TP53BP1: variants seen among roughly 807,000 people sequenced by gnomAD.
TP53BP1 encodes the protein TP53-binding protein 1.
TP53BP1 carries 61 observed loss-of-function variants against 200.8 expected under a neutral mutation model. The observed-to-expected ratio is 0.30, with a 90% CI of 0.25 to 0.38. The LOEUF is 0.38. Among genes scored for constraint, TP53BP1 ranks in the 10% least tolerant of loss-of-function variants. The pLI is 1.00. For missense variants in TP53BP1, 2,144 were observed against 2,371.9 expected (o/e 0.90, Z 2.00); for synonymous variants, 822 against 844.3 (o/e 0.97, Z 0.46).
intron 1 of TP53BP1, among the ~76,000 whole-genome samples, chr15:43,509,918 C>A (rs1323204543): frequency 6.6e-6 from 1 of 152,010 alleles, no homozygotes; most frequent in East Asian, 1.9e-4. Flanking sequence ...GAAAGATAGG[C>A]GCTCCCATAC....
rs2079225790 is a variant in TP53BP1 at position 43,504,459 on chromosome 15, G to C, written c.-9+5911C>G. On this transcript the variant is annotated intron_variant, in intron 1 of 27. Transcript: ENST00000263801. The stretch of plus-strand genomic sequence containing the variant: ...GACAAGGAAACTGAAGCACAGAGAA[G>C]ATAAGCAAGTTGCCAAAGTTCACAT... Among the ~76,000 whole-genome samples the C allele has an allele frequency of 2.0e-5, 3 of 152,298 alleles. No homozygotes were observed. In the South Asian group the frequency reaches 6.2e-4, roughly 32 times the overall value.
chr15:43,441,703 T>C (rs1484847907), intron 14 of TP53BP1, 120 bp from the exon 15 acceptor site: 4 of 660,246 alleles, frequency 6.1e-6, no homozygotes, highest in Non-Finnish European at 1.1e-5. Context: ...GAAATAAAAA[T>C]AAGTAAAACT....
At chr15:43,483,928 A>T (rs1339311806) in intron 4 of TP53BP1, among the ~76,000 whole-genome samples, 1 of 152,134 alleles carries the variant, frequency 6.6e-6, no homozygotes, top group East Asian at 1.9e-4. Flanking sequence ...CCACTTAATG[A>T]CCTCATCCAG....
intron 17 of TP53BP1, among the ~76,000 whole-genome samples, chr15:43,428,762 G>T (rs975665314): frequency 6.6e-6 from 1 of 152,116 alleles, no homozygotes; most frequent in African/African-American, 2.4e-5. Flanking sequence ...CTAGTGTCCA[G>T]AAATGGAAAA....
At chr15:43,438,823 T>G (rs1262623180) in intron 15 of TP53BP1, among the ~76,000 whole-genome samples, 3 of 150,330 alleles carry the variant, frequency 2.0e-5, no homozygotes, top group Non-Finnish European at 4.4e-5. Flanking sequence ...ATGCAGACCT[T>G]ATTTAGATCT....
At chr15:43,465,216 C>T (rs1049583118) in intron 11 of TP53BP1, among the ~76,000 whole-genome samples, 1 of 151,902 alleles carries the variant, frequency 6.6e-6, no homozygotes, top group Non-Finnish European at 1.5e-5. Flanking sequence ...AAGTAGACTA[C>T]CCTCGAAGGG....
intron 16 of TP53BP1, among the ~76,000 whole-genome samples, chr15:43,437,680 A>G (rs138634442): frequency 1.3e-5 from 2 of 152,332 alleles, no homozygotes; most frequent in African/African-American, 4.8e-5. Flanking sequence ...GCAGATAAAG[A>G]CAAAAATGTG....
At chr15:43,481,101 A>G in intron 4 of TP53BP1, 79 bp from the exon 5 acceptor site, 2 of 1,544,504 alleles carry the variant, frequency 1.3e-6, no homozygotes, top group African/African-American at 1.4e-5. Context: ...CCCCCAACAC[A>G]TACCAACCAT....
chr15:43,456,371 T>C lies in TP53BP1; in HGVS notation c.2237A>G (p.Lys746Arg). The C allele has an allele frequency of 6.2e-7, 1 of 1,609,114 alleles. No homozygotes were observed. The highest frequency in any genetic ancestry group is 2.2e-5 in the East Asian group (1 of 44,864). Residue 746 changes from lysine (K) to arginine (R), a missense_variant, in exon 12 of 28, where the codon AAG becomes AGG. By Grantham distance (26) the Lys-to-Arg change is conservative. This residue lies in a region of TP53BP1 where 1,700 missense variants were observed against 1,710.3 expected (regional missense o/e 0.99). Transcript: ENST00000382044. ...LAILDQELEHKEQEAWEEATS... is the reference protein window; with the variant it reads ...LAILDQELEHREQEAWEEATS... ...AGCTTCTTCCCAAGCTTCCTGTTCCTTATGTTCCAATTCTTGGTCAAGTAT... is the reference window on the plus strand; with the variant it reads ...AGCTTCTTCCCAAGCTTCCTGTTCCCTATGTTCCAATTCTTGGTCAAGTAT...
rs1313875660 is a variant in TP53BP1, at chr15:43,413,193, G to A, written c.5231C>T (p.Ala1744Val). Reference sequence around the variant, plus strand: ...GCTGGCCAACTTGTCACTGGTTGTGGCCATGGTAAGGAGAAATGCGTAGCC... The same window carrying A: ...GCTGGCCAACTTGTCACTGGTTGTGACCATGGTAAGGAGAAATGCGTAGCC... Reference protein sequence around the residue: ...FLGYAFLLTMATTSDKLASRS... With the variant: ...FLGYAFLLTMVTTSDKLASRS... Residue 1744 changes from alanine (A) to valine (V), a missense_variant, in exon 24 of 28, where the codon GCC becomes GTC. This residue lies in a region of TP53BP1 where 334 missense variants were observed against 453.4 expected (regional missense o/e 0.74). Transcript: ENST00000382044. 6.2e-7 allele frequency: 1 copy of A among 1,614,172 alleles called. No individual in the cohort carries two copies. Among genetic ancestry groups the A allele is most frequent in the Non-Finnish European group, 8.5e-7 (1 of 1,180,040 alleles).
At chr15:43,480,048 C>A in intron 5 of TP53BP1, 31 bp from the exon 6 acceptor site, 1 of 1,601,852 alleles carries the variant, frequency 6.2e-7, no homozygotes, top group Middle Eastern at 1.7e-4. Flanking sequence ...AATTAGGTAT[C>A]ATCCCACAAC....
intron 19 of TP53BP1, 135 bp downstream of exon 19, chr15:43,421,720 T>C (rs532513093): frequency 4.0e-6 from 5 of 1,256,500 alleles, no homozygotes; most frequent in South Asian, 3.0e-5. Flanking sequence ...AGAGAGCAAA[T>C]AGTGAAGAGG....
intron 1 of TP53BP1, among the ~76,000 whole-genome samples, chr15:43,502,456 TG>T (rs1207845795): frequency 5.3e-5 from 8 of 152,108 alleles, no homozygotes; most frequent in Admixed American, 3.9e-4. Flanking sequence ...ATCTCATGTT[TG>T]TTTTTTTTCT....
Position 43,404,797 on chromosome 15 carries a change from G to C in TP53BP1, c.*2586C>G, listed in dbSNP as rs1357815199. 2 of 518,886 alleles carry C rather than the reference G, an allele frequency of 3.9e-6. No individual in the cohort carries two copies. The highest frequency in any genetic ancestry group is 3.8e-5 in the African/African-American group (2 of 52,490). The allele number at this position is 518,886 out of a possible 1,614,324, so 32.1% of individuals were successfully genotyped here. A position where few individuals can be genotyped will look rare whatever the true frequency, so the allele number is the denominator to read the frequency against. ...GGTGTTAAGTCCTTTGCTAGGTTAT[G>C]TATTGCTATGCTGGGAGGCAGTGGG... On this transcript the variant is annotated 3_prime_UTR_variant, in exon 28 of 28. Coordinates refer to ENST00000382044, the MANE Select transcript of TP53BP1 (RefSeq NM_001141980.3).
chr15:43,499,381 A>G (rs1396253894), intron 1 of TP53BP1, among the ~76,000 whole-genome samples: 1 of 152,190 alleles, frequency 6.6e-6, no homozygotes, highest in Non-Finnish European at 1.5e-5. Context: ...TACCTATTTA[A>G]CAAACCTGCA....
chr15:43,452,113 C>T (rs533436294), intron 12 of TP53BP1, among the ~76,000 whole-genome samples: 7 of 152,126 alleles, frequency 4.6e-5, no homozygotes, highest in Admixed American at 1.3e-4. Context: ...CCAGCCTGGG[C>T]GACAGAGCAA....
chr15:43,495,877 A>T (rs2079180369), upstream of TP53BP1, among the ~76,000 whole-genome samples: 1 of 152,162 alleles, frequency 6.6e-6, no homozygotes. Flanking sequence ...TAAATGAGTG[A>T]GCCATTTGCA....
At chr15:43,447,183 C>T in intron 13 of TP53BP1, 183 bp downstream of exon 13, 1 of 606,492 alleles carries the variant, frequency 1.6e-6, no homozygotes, top group Non-Finnish European at 2.8e-6. Flanking sequence ...TCTTTCCTTC[C>T]TCTCTTTACC....
intron 13 of TP53BP1, 59 bp downstream of exon 13, chr15:43,447,307 T>C (rs2046063950): frequency 6.5e-7 from 1 of 1,536,716 alleles, no homozygotes; most frequent in Non-Finnish European, 8.8e-7. Context: ...ATATCACTTG[T>C]GTAGAGAATG....
Sources: gnomAD v4.1 joint callset for allele counts (sites outside exome capture counted in the v4.1 genomes callset) on GRCh38, gnomAD v4.1.1 for gene constraint, gnomAD v4.1.1 regional missense constraint, MANE v1.5 for transcripts, NCBI Gene and HGNC (gene_info 2026-07-23, HGNC 2026-07-21) for gene names.